ADAMTS16: variants seen among roughly 807,000 people sequenced by gnomAD.
The protein encoded by ADAMTS16 is ADAM metallopeptidase with thrombospondin type 1 motif 16, also known as A disintegrin and metalloproteinase with thrombospondin motifs 16.
ADAMTS16 carries 94 observed loss-of-function variants against 145.8 expected under a neutral mutation model. The ratio of observed to expected loss-of-function variants is 0.64; its 90% confidence interval spans 0.55 to 0.77. The LOEUF is 0.77. Among genes scored for constraint, ADAMTS16 ranks in the 30% least tolerant of loss-of-function variants. The probability of loss-of-function intolerance (pLI) is 0.00; values close to 1 mark genes in which losing one functional copy is unlikely to be tolerated. For missense variants in ADAMTS16, 1,585 were observed against 1,591.5 expected (o/e 1.00, Z 0.07); for synonymous variants, 659 against 604.3 (o/e 1.09, Z -1.33).
chr5:5,248,646 A>G (rs752153252), intron 17 of ADAMTS16, among the ~76,000 whole-genome samples: 1 of 152,242 alleles, frequency 6.6e-6, no homozygotes, highest in Non-Finnish European at 1.5e-5. Flanking sequence ...ATAATACCTG[A>G]GTCTCCATAA....
intron 11 of ADAMTS16, among the ~76,000 whole-genome samples, chr5:5,230,326 G>A (rs1736886426): frequency 6.6e-6 from 1 of 152,310 alleles, no homozygotes; most frequent in South Asian, 2.1e-4. Flanking sequence ...TATGTTAACT[G>A]AGAGAAAATA....
At chr5:5,164,062 A>C (rs7705998) in intron 3 of ADAMTS16, among the ~76,000 whole-genome samples, 11,895 of 152,270 alleles carry the variant, frequency 0.078, 690 homozygotes, top group African/African-American at 0.15. Context: ...AGATCTTCTG[A>C]GATGATTCCC....
chr5:5,143,780 C>T (rs11746378), intron 2 of ADAMTS16, among the ~76,000 whole-genome samples: 82,538 of 152,016 alleles, frequency 0.54, 22,980 homozygotes, highest in South Asian at 0.65. Context: ...ACATATACAC[C>T]ATGGAATTCT....
rs911671291 is a variant in ADAMTS16 at position 5,319,476 on chromosome 5, G to C, written c.*338G>C. On this transcript the variant is annotated 3_prime_UTR_variant, in exon 23 of 23. Coordinates refer to ENST00000274181, the MANE Select transcript of ADAMTS16 (RefSeq NM_139056.4). The stretch of plus-strand genomic sequence containing the variant: ...AAATCAAGTCAAAAAGACAGGCGAG[G>C]CTGAACTTGCTAAATGTCTGGTGCC... The C allele has an allele frequency of 3.0e-6, 1 of 328,268 alleles. No individual in the cohort carries two copies. Among genetic ancestry groups the C allele is most frequent in the Admixed American group, 4.7e-5 (1 of 21,148 alleles). 20.3% of individuals were successfully genotyped at this position (328,268 alleles called of 1,614,324 possible). A position where few individuals can be genotyped will look rare whatever the true frequency, so the allele number is the denominator to read the frequency against.
rs997748406 is a variant in ADAMTS16 at position 5,269,118 on chromosome 5, A to C, written c.2789+6335A>C. On this transcript the variant is annotated intron_variant, in intron 18 of 22. Coordinates refer to ENST00000274181, the MANE Select transcript of ADAMTS16 (RefSeq NM_139056.4). The surrounding 1 kb of genome is among the most constrained non-coding windows in gnomAD (Gnocchi z 4.3). Reference sequence around the variant, plus strand: ...TCTTGTCATGCAGCTCCTATGCTTCAAGATCCACACTGAAGTTGTCCTTCT... The same window carrying C: ...TCTTGTCATGCAGCTCCTATGCTTCCAGATCCACACTGAAGTTGTCCTTCT... Among the ~76,000 whole-genome samples, 2 of 149,982 alleles carry C rather than the reference A, an allele frequency of 1.3e-5. No individual in the cohort carries two copies. Among genetic ancestry groups the C allele is most frequent in the African/African-American group, 2.5e-5 (1 of 40,572 alleles).
chr5:5,257,545 T>C (rs759077937), intron 17 of ADAMTS16, among the ~76,000 whole-genome samples: 13 of 152,368 alleles, frequency 8.5e-5, no homozygotes, highest in African/African-American at 1.2e-4. Flanking sequence ...GGCAATGTAA[T>C]GCAAACAACT....
At chr5:5,305,438 A>C (rs1175621755) in intron 20 of ADAMTS16, among the ~76,000 whole-genome samples, 1 of 61,848 alleles carries the variant, frequency 1.6e-5, no homozygotes, top group Non-Finnish European at 3.3e-5. Flanking sequence ...AACCCACACC[A>C]CACACACACA....
At chr5:5,263,031 T>A (rs1208310407) in intron 18 of ADAMTS16, among the ~76,000 whole-genome samples, 2 of 152,218 alleles carry the variant, frequency 1.3e-5, no homozygotes, top group African/African-American at 4.8e-5. Flanking sequence ...GTTGTATTTG[T>A]GCTTTAATTG....
chr5:5,154,988 G>A (rs1221784948), intron 3 of ADAMTS16, among the ~76,000 whole-genome samples: 5 of 152,040 alleles, frequency 3.3e-5, no homozygotes, highest in Admixed American at 6.5e-5. Context: ...TTTAAAGAGA[G>A]TGCTTGCTAT....
At chr5:5,200,594 A>G (rs1209833307) in intron 9 of ADAMTS16, among the ~76,000 whole-genome samples, 2 of 152,250 alleles carry the variant, frequency 1.3e-5, no homozygotes, top group Non-Finnish European at 2.9e-5. Flanking sequence ...CAGGAAGTGA[A>G]TAGAAAGATC....
At chr5:5,159,722 T>C (rs1455847324) in intron 3 of ADAMTS16, among the ~76,000 whole-genome samples, 1 of 152,226 alleles carries the variant, frequency 6.6e-6, no homozygotes, top group Non-Finnish European at 1.5e-5. Context: ...ATTAGGATGA[T>C]AAAAAGACAT....
intron 18 of ADAMTS16, among the ~76,000 whole-genome samples, chr5:5,292,677 CT>C (rs1414893039): frequency 1.3e-5 from 2 of 152,208 alleles, no homozygotes; most frequent in Admixed American, 6.5e-5. Context: ...CTGCCACTGC[CT>C]CCTCCAGTGT....
chr5:5,211,454 T>C (rs1183487666), intron 10 of ADAMTS16, among the ~76,000 whole-genome samples: 4 of 152,174 alleles, frequency 2.6e-5, no homozygotes, highest in Non-Finnish European at 4.4e-5. Context: ...TTTTTTCTTA[T>C]CAGTCTAGTT....
At chr5:5,231,919 G>C (rs887116933) in intron 11 of ADAMTS16, among the ~76,000 whole-genome samples, 2 of 152,288 alleles carry the variant, frequency 1.3e-5, no homozygotes, top group African/African-American at 2.4e-5. Context: ...CTATGGGCCT[G>C]AAATGACAAG....
chr5:5,175,141 C>G (rs940103397), intron 3 of ADAMTS16, among the ~76,000 whole-genome samples: 2 of 152,186 alleles, frequency 1.3e-5, no homozygotes, highest in Non-Finnish European at 2.9e-5. Flanking sequence ...ATCTCTGACT[C>G]TCACCCAAGG....
intron 17 of ADAMTS16, among the ~76,000 whole-genome samples, chr5:5,244,184 T>C (rs1191390551): frequency 6.6e-6 from 1 of 152,150 alleles, no homozygotes; most frequent in East Asian, 1.9e-4. Flanking sequence ...GTGTGTATCA[T>C]TAGGAAGGGG....
chr5:5,252,631 T>A (rs574061814), intron 17 of ADAMTS16, among the ~76,000 whole-genome samples: 2 of 152,232 alleles, frequency 1.3e-5, no homozygotes, highest in East Asian at 3.9e-4. Context: ...GTTAACAGAA[T>A]CCCAAACCCT....
intron 8 of ADAMTS16, among the ~76,000 whole-genome samples, chr5:5,195,894 G>A (rs2081852): frequency 0.85 from 130,044 of 152,134 alleles, 55,597 homozygotes; most frequent in Middle Eastern, 0.9. Flanking sequence ...TGTCGGTATT[G>A]CAAGAGACCA....
At chr5:5,257,095 C>T (rs2126419231) in intron 17 of ADAMTS16, among the ~76,000 whole-genome samples, 1 of 152,154 alleles carries the variant, frequency 6.6e-6, no homozygotes, top group South Asian at 2.1e-4. Flanking sequence ...GTCTCTCAGC[C>T]CTAGTTAGCA....
Sources: gnomAD v4.1 joint callset for allele counts (sites outside exome capture counted in the v4.1 genomes callset) on GRCh38, gnomAD v4.1.1 for gene constraint, Gnocchi (gnomAD v3.1) non-coding constraint, MANE v1.5 for transcripts, NCBI Gene and HGNC (gene_info 2026-07-23, HGNC 2026-07-21) for gene names.